Variants in ABI3BP observed in about 807,000 individuals in gnomAD.
ABI3BP encodes the protein target of Nesh-SH3.
A neutral mutation model predicts 268.6 loss-of-function variants in ABI3BP; 216 were observed. That is an observed-to-expected ratio of 0.80 (90% CI 0.72 to 0.90). The LOEUF is 0.90. ABI3BP is among the 40% of genes least tolerant of loss of function. The probability of loss-of-function intolerance (pLI) is 0.00; values close to 1 mark genes in which losing one functional copy is unlikely to be tolerated. For synonymous variants in ABI3BP, 730 were observed against 730.0 expected, an observed-to-expected ratio of 1.00 and a Z score of 0.00; for missense variants, 2,090 against 2,182.4, an observed-to-expected ratio of 0.96 and a Z score of 0.84.
At chr3:100,952,248 T>A (rs1257435945) in intron 1 of ABI3BP, among the ~76,000 whole-genome samples, 1 of 152,204 alleles carries the variant, frequency 6.6e-6, no homozygotes, top group Middle Eastern at 3.2e-3. Context: ...ACAATATAGT[T>A]AATAACAATT....
chr3:100,899,337 A>G (rs1187815791), intron 3 of ABI3BP, among the ~76,000 whole-genome samples: 1 of 152,206 alleles, frequency 6.6e-6, no homozygotes, highest in Non-Finnish European at 1.5e-5. Flanking sequence ...GTGAAATAAC[A>G]TCTAAGACAA....
chr3:100,782,226 T>C (rs1256043791), intron 57 of ABI3BP, among the ~76,000 whole-genome samples: 10 of 152,226 alleles, frequency 6.6e-5, no homozygotes, highest in Admixed American at 6.5e-4. Context: ...TGACCAGGCA[T>C]ATGCAAGTCC....
At position 100,828,435 on chromosome 3, in the gene ABI3BP, C is replaced by CAA; in HGVS notation, c.2558_2559dup (p.Glu854LeufsTer7). Reference sequence around the variant, plus strand: ...GCCTCTTTTATAGGAGAAACTGGTTCAAAGATTGTAGCAGGAACTGGCCAA... The same window carrying CAA: ...GCCTCTTTTATAGGAGAAACTGGTTCAAAAAGATTGTAGCAGGAACTGGCCAA... On this transcript the variant is annotated frameshift_variant, in exon 34 of 68. Transcript: ENST00000471714. LOFTEE classifies it high-confidence loss of function. The CAA allele has an allele frequency of 6.5e-7, 1 of 1,534,982 alleles. No individual in the cohort carries two copies. Among genetic ancestry groups the CAA allele is most frequent in the Non-Finnish European group, 8.7e-7 (1 of 1,146,204 alleles).
Position 100,973,454 on chromosome 3 carries a change from T to A in ABI3BP, c.79+19852A>T, listed in dbSNP as rs148207957. Among the ~76,000 whole-genome samples the A allele has an allele frequency of 2.6e-3, 392 of 152,270 alleles. 1 individual carries two copies. The highest frequency in any genetic ancestry group is 9.0e-3 in the African/African-American group (375 of 41,560). ...TGTATTAAGCTCTGGGTTTTTTCAA[T>A]GAGAAAAATAAGACCCATGGAAGTT... On this transcript the variant is annotated intron_variant, in intron 1 of 67. Transcript: ENST00000471714.
intron 2 of ABI3BP, chr3:100,911,892 T>C: frequency 6.5e-7 from 1 of 1,529,484 alleles, no homozygotes; most frequent in Non-Finnish European, 9.1e-7. Context: ...ACAGAATTTG[T>C]ACCAACCTAT....
intron 1 of ABI3BP, among the ~76,000 whole-genome samples, chr3:100,960,515 C>A (rs1039565484): frequency 1.3e-5 from 2 of 152,144 alleles, no homozygotes; most frequent in African/African-American, 4.8e-5. Context: ...GGCAAAAAGA[C>A]ATATTACATA....
chr3:100,911,464 T>A, intron 2 of ABI3BP: 1 of 388,438 alleles, frequency 2.6e-6, no homozygotes, highest in Non-Finnish European at 4.7e-6. Context: ...TATCCTTTAC[T>A]AGTTTATTTA....
At chr3:100,894,956 A>G (rs1345926027) in intron 4 of ABI3BP, among the ~76,000 whole-genome samples, 64 of 131,408 alleles carry the variant, frequency 4.9e-4, no homozygotes, top group Non-Finnish European at 8.5e-4. Context: ...AAAAAAAAAA[A>G]AAAAAAAAAA....
chr3:100,769,868 C>G (rs917518565), intron 62 of ABI3BP, among the ~76,000 whole-genome samples: 1 of 152,170 alleles, frequency 6.6e-6, no homozygotes, highest in African/African-American at 2.4e-5. Context: ...TAAGATAAGC[C>G]GCTTACACTG....
chr3:100,781,550 G>A (rs2096864120), intron 57 of ABI3BP, among the ~76,000 whole-genome samples: 1 of 152,122 alleles, frequency 6.6e-6, no homozygotes, highest in Non-Finnish European at 1.5e-5. Flanking sequence ...AGGGGTAGTG[G>A]GGAAGGGAAA....
chr3:100,840,200 G>T, intron 22 of ABI3BP, 36 bp from the exon 23 acceptor site: 1 of 1,443,444 alleles, frequency 6.9e-7, no homozygotes, highest in East Asian at 2.5e-5. Flanking sequence ...ATACAAGAAG[G>T]GTGGATTTAC....
At chr3:100,833,652 G>T (rs1286576974) in intron 29 of ABI3BP, among the ~76,000 whole-genome samples, 2 of 152,128 alleles carry the variant, frequency 1.3e-5, no homozygotes, top group Non-Finnish European at 2.9e-5. Context: ...GGCATACAAA[G>T]AACCAGATAT....
intron 10 of ABI3BP, among the ~76,000 whole-genome samples, chr3:100,865,837 A>T (rs376729603): frequency 5.3e-5 from 8 of 152,202 alleles, no homozygotes; most frequent in African/African-American, 1.9e-4. Flanking sequence ...AGCCATGCCT[A>T]TGCTTTTCTG....
chr3:100,798,698 C>T (rs571287369), intron 51 of ABI3BP, among the ~76,000 whole-genome samples: 47 of 151,934 alleles, frequency 3.1e-4, no homozygotes, highest in African/African-American at 1.0e-3. Context: ...CATAGATAAA[C>T]GTAAATGAAT....
rs1282948092 is a variant in ABI3BP at position 100,750,344 on chromosome 3, A to G, written c.*151T>C. ...TAAAACCTGATAAATACTCTCAGCAATCTTTTCTAATAATAAACATCTAGT... is the reference window on the plus strand; with the variant it reads ...TAAAACCTGATAAATACTCTCAGCAGTCTTTTCTAATAATAAACATCTAGT... On this transcript the variant is annotated 3_prime_UTR_variant, in exon 68 of 68. Transcript: ENST00000471714. The G allele has an allele frequency of 3.5e-5, 19 of 538,012 alleles. No individual in the cohort carries two copies. Among genetic ancestry groups the G allele is most frequent in the Non-Finnish European group, 3.8e-5 (12 of 316,300 alleles). 33.3% of individuals were successfully genotyped at this position (538,012 alleles called of 1,614,324 possible).
intron 1 of ABI3BP, among the ~76,000 whole-genome samples, chr3:100,953,525 T>A (rs1291982639): frequency 6.6e-6 from 1 of 152,162 alleles, no homozygotes; most frequent in Admixed American, 6.5e-5. Flanking sequence ...ATAAGAGCTA[T>A]ATGCAAAAAA....
At chr3:100,848,485 T>C (rs62277061) in intron 18 of ABI3BP, among the ~76,000 whole-genome samples, 1,623 of 137,644 alleles carry the variant, frequency 0.012, 26 homozygotes, top group African/African-American at 0.042. Context: ...TTTTTTTTTT[T>C]CCCTGAGATA....
intron 3 of ABI3BP, among the ~76,000 whole-genome samples, chr3:100,899,995 T>C (rs2049475956): frequency 6.6e-6 from 1 of 152,212 alleles, no homozygotes; most frequent in South Asian, 2.1e-4. Flanking sequence ...TTGTTCCTTT[T>C]GTTAAATTTA....
chr3:100,755,639 A>G (rs1260961133), intron 63 of ABI3BP, among the ~76,000 whole-genome samples: 1 of 152,234 alleles, frequency 6.6e-6, no homozygotes, highest in African/African-American at 2.4e-5. Flanking sequence ...ATTATTGTGC[A>G]GTATTAGCAA....
Sources: allele counts gnomAD v4.1 joint callset (sites outside exome capture counted in the v4.1 genomes callset), GRCh38; gene constraint gnomAD v4.1.1; transcripts MANE v1.5; gene names NCBI Gene and HGNC (gene_info 2026-07-23, HGNC 2026-07-21).